The following AXDND1 variants were observed in gnomAD, a reference collection of about 807,000 sequenced individuals.
AXDND1 encodes the protein axonemal dynein light chain domain-containing protein 1.
AXDND1 carries 110 observed loss-of-function variants against 137.5 expected under a neutral mutation model. That is an observed-to-expected ratio of 0.80 (90% CI 0.69 to 0.94). The LOEUF (loss-of-function observed/expected upper bound fraction) is 0.94, where lower values mean the gene tolerates loss of function less well. AXDND1 is among the 40% of genes least tolerant of loss of function. The probability of loss-of-function intolerance (pLI) is 0.00; values close to 1 mark genes in which losing one functional copy is unlikely to be tolerated. For synonymous variants in AXDND1, 414 were observed against 399.7 expected, an observed-to-expected ratio of 1.04 and a Z score of -0.43; for missense variants, 1,191 against 1,169.8, an observed-to-expected ratio of 1.02 and a Z score of -0.26.
chr1:179,370,095 G>A lies in AXDND1; in HGVS notation c.374+17G>A, dbSNP rs1398936422. 7 of 1,571,156 alleles carry A rather than the reference G, an allele frequency of 4.5e-6. No individual in the cohort carries two copies. In the African/African-American group the frequency reaches 6.8e-5, roughly 15 times the overall value. On this transcript the variant is annotated intron_variant, in intron 4 of 25. Coordinates refer to ENST00000367618, the MANE Select transcript of AXDND1 (RefSeq NM_144696.6). ...AGCTGGAAGGTAAAGAAGGAAGATAGTAGGATAGATGCTGATAAATAGAGT... is the reference window on the plus strand; with the variant it reads ...AGCTGGAAGGTAAAGAAGGAAGATAATAGGATAGATGCTGATAAATAGAGT...
chr1:179,372,110 G>A (rs750507180), intron 4 of AXDND1, among the ~76,000 whole-genome samples: 8 of 152,116 alleles, frequency 5.3e-5, no homozygotes, highest in Non-Finnish European at 1.2e-4. Flanking sequence ...GAAAACTAAT[G>A]CACAAATGCA....
At chr1:179,522,923 A>G (rs1236617181) in intron 21 of AXDND1, among the ~76,000 whole-genome samples, 2 of 150,600 alleles carry the variant, frequency 1.3e-5, no homozygotes, top group African/African-American at 2.4e-5. Flanking sequence ...TATATGGCTT[A>G]CACCATAATT....
chr1:179,500,828 T>C (rs1452467538), intron 20 of AXDND1, among the ~76,000 whole-genome samples: 3 of 152,140 alleles, frequency 2.0e-5, no homozygotes, highest in African/African-American at 7.2e-5. Context: ...CAGGCCACCA[T>C]ACCTGGCTAA....
chr1:179,495,112 T>G (rs912064438), intron 20 of AXDND1, among the ~76,000 whole-genome samples: 5 of 152,210 alleles, frequency 3.3e-5, no homozygotes, highest in African/African-American at 1.2e-4. Flanking sequence ...TACTATTGTT[T>G]TGTAATAAGT....
At chr1:179,432,652 C>T (rs1657551661) in intron 15 of AXDND1, among the ~76,000 whole-genome samples, 1 of 152,192 alleles carries the variant, frequency 6.6e-6, no homozygotes, top group South Asian at 2.1e-4. Context: ...TCTTGAACTC[C>T]TGACCTGAAG....
intron 23 of AXDND1, among the ~76,000 whole-genome samples, chr1:179,531,899 C>T (rs762412723): frequency 2.0e-5 from 3 of 152,140 alleles, no homozygotes; most frequent in Non-Finnish European, 2.9e-5. Flanking sequence ...TTACAAGAGC[C>T]GCATGGTCCA....
At chr1:179,488,348 A>G (rs926796304) in intron 18 of AXDND1, among the ~76,000 whole-genome samples, 9 of 148,604 alleles carry the variant, frequency 6.1e-5, no homozygotes, top group South Asian at 2.1e-4. Flanking sequence ...TCTCCATAGT[A>G]TAAGTTTCTT....
intron 11 of AXDND1, among the ~76,000 whole-genome samples, chr1:179,402,388 GCTTT>G (rs2125177997): frequency 6.6e-6 from 1 of 152,122 alleles, no homozygotes; most frequent in South Asian, 2.1e-4. Context: ...TGATGATCTT[GCTTT>G]CTAAGAAGTA....
chr1:179,467,069 A>T (rs1407153989), intron 16 of AXDND1, among the ~76,000 whole-genome samples: 1 of 152,196 alleles, frequency 6.6e-6, no homozygotes, highest in East Asian at 1.9e-4. Flanking sequence ...CCCTGAGTAG[A>T]GTGACTTAAT....
intron 17 of AXDND1, among the ~76,000 whole-genome samples, chr1:179,477,716 C>T (rs1402625803): frequency 6.6e-6 from 1 of 152,180 alleles, no homozygotes; most frequent in Admixed American, 6.5e-5. Context: ...CCTCACATTT[C>T]AAAACCAATC....
Position 179,414,747 on chromosome 1 carries a change from T to G in AXDND1, c.1230+3481T>G, listed in dbSNP as rs535512770. Among the ~76,000 whole-genome samples, 58 of 152,328 alleles carry G rather than the reference T, an allele frequency of 3.8e-4. 1 individual carries two copies. In the South Asian group the frequency reaches 0.012, roughly 32 times the overall value. On this transcript the variant is annotated intron_variant, in intron 12 of 25. Coordinates refer to ENST00000367618, the MANE Select transcript of AXDND1 (RefSeq NM_144696.6). ...GCCAAATTAATCTTTAAATTTGATA[T>G]AATTCCACTAAAAATCTCAGTAACA...
In AXDND1 at chr1:179,459,934, TTCTC is replaced by T. The variant is rs71569251; in HGVS notation, c.1799-8501_1799-8498del. 3.6e-3 allele frequency among the ~76,000 whole-genome samples: 510 copies of T among 139,902 alleles called. 5 individuals carry two copies. The highest frequency in any genetic ancestry group is 0.013 in the African/African-American group (488 of 36,484). The allele number at this position is 139,902 out of a possible 152,430, so 91.8% of individuals were successfully genotyped here. A position where few individuals can be genotyped will look rare whatever the true frequency, so the allele number is the denominator to read the frequency against. On this transcript the variant is annotated intron_variant, in intron 16 of 25. Transcript: ENST00000367618. The stretch of plus-strand genomic sequence containing the variant: ...TTTCTTTCTCTCTTTCCTTCCTTCC[TTCTC>T]TCTCTCTTTTCTTTTCTTCCTTCTT...
At chr1:179,520,409 T>G (rs1027375932) in intron 21 of AXDND1, among the ~76,000 whole-genome samples, 1 of 152,150 alleles carries the variant, frequency 6.6e-6, no homozygotes, top group African/African-American at 2.4e-5. Context: ...TTTCAGGCAT[T>G]TCATTGCTAT....
At chr1:179,381,541 G>A (rs950650680) in intron 6 of AXDND1, among the ~76,000 whole-genome samples, 38 of 147,080 alleles carry the variant, frequency 2.6e-4, no homozygotes, top group African/African-American at 8.8e-4. Flanking sequence ...ATGGGGTTTC[G>A]CCATGTTGGC....
At chr1:179,502,749 G>A (rs1001087716) in intron 20 of AXDND1, among the ~76,000 whole-genome samples, 8 of 151,788 alleles carry the variant, frequency 5.3e-5, no homozygotes, top group East Asian at 3.9e-4. Flanking sequence ...CTATTCATCT[G>A]TCAGTATACT....
chr1:179,393,868 C>G, intron 9 of AXDND1, 35 bp from the exon 10 acceptor site: 1 of 1,520,538 alleles, frequency 6.6e-7, no homozygotes, highest in Non-Finnish European at 8.8e-7. Flanking sequence ...ATTCATTTAT[C>G]AGATCTAGGA....
chr1:179,403,688 C>T (rs977432365), intron 11 of AXDND1, among the ~76,000 whole-genome samples: 39 of 152,184 alleles, frequency 2.6e-4, no homozygotes, highest in African/African-American at 8.4e-4. Flanking sequence ...ATTCTCCTGC[C>T]TCAGCCTCCT....
intron 9 of AXDND1, among the ~76,000 whole-genome samples, chr1:179,391,105 C>T (rs1650103497): frequency 1.1e-5 from 1 of 89,884 alleles, no homozygotes; most frequent in Non-Finnish European, 2.5e-5. Flanking sequence ...TGAGGCCAGA[C>T]TTCTTCTTTT....
chr1:179,480,915 G>C (rs941245469), intron 17 of AXDND1, among the ~76,000 whole-genome samples: 2 of 133,362 alleles, frequency 1.5e-5, no homozygotes, highest in African/African-American at 2.7e-5. Flanking sequence ...TTGTTTGTTT[G>C]TTTTTGCTTT....
Sources: gnomAD v4.1 joint callset for allele counts (sites outside exome capture counted in the v4.1 genomes callset) on GRCh38, gnomAD v4.1.1 for gene constraint, MANE v1.5 for transcripts, NCBI Gene and HGNC (gene_info 2026-07-23, HGNC 2026-07-21) for gene names.